PCDHGA6: variants seen among roughly 807,000 people sequenced by gnomAD.
PCDHGA6 encodes the protein protocadherin gamma subfamily A, 6.
A neutral mutation model predicts 60.6 loss-of-function variants in PCDHGA6; 41 were observed. That is an observed-to-expected ratio of 0.68 (90% confidence interval 0.53 to 0.88). PCDHGA6 has a LOEUF of 0.88. PCDHGA6 is among the 40% of genes least tolerant of loss of function. The pLI, the probability that PCDHGA6 is intolerant of heterozygous loss-of-function variation, is 0.00. For synonymous variants in PCDHGA6, 594 were observed against 524.4 expected (o/e 1.13, Z -1.81); for missense variants, 1,312 against 1,203.0 (o/e 1.09, Z -1.34).
intron 1 of PCDHGA6, chr5:141,400,071 GC>G: frequency 6.2e-7 from 1 of 1,613,942 alleles, no homozygotes; most frequent in Non-Finnish European, 8.5e-7. Flanking sequence ...GTGGACAGCC[GC>G]CACTCTCCGC....
chr5:141,384,216 C>T (rs1342379342), intron 1 of PCDHGA6: 1 of 1,613,896 alleles, frequency 6.2e-7, no homozygotes, highest in Non-Finnish European at 8.5e-7. Context: ...CTCACATATT[C>T]ATGCAGGTGG....
rs781441820 is a variant in PCDHGA6, at chr5:141,374,701, C to G, written c.618C>G (p.Ala206=). The change falls in exon 1 of 4, where the codon GCC becomes GCG. Residue 206 remains alanine (A), a synonymous_variant. Coordinates refer to ENST00000517434, the MANE Select transcript of PCDHGA6 (RefSeq NM_018919.3). The part of the protein sequence containing the change: ...LEGTLDREGE[A]VYRLVLTAMD... ...GCACACTGGACCGGGAAGGAGAAGC[C>G]GTTTACCGCCTGGTCCTTACTGCCA... 6.2e-7 allele frequency: 1 copy of G among 1,608,844 alleles called. No individual in the cohort carries two copies. Among genetic ancestry groups the G allele is most frequent in the Non-Finnish European group, 8.5e-7 (1 of 1,177,478 alleles).
At position 141,431,435 on chromosome 5, in the gene PCDHGA6, G is replaced by A. The variant is rs376827063; in HGVS notation, c.2424+54928G>A. ...GGGCGACCCGGTGCGCACAGGCACC[G>A]CGCGCATCCGCGTGATGGTTCTGGA... On this transcript the variant is annotated intron_variant, in intron 1 of 3. Coordinates refer to ENST00000517434, the MANE Select transcript of PCDHGA6 (RefSeq NM_018919.3). The surrounding 1 kb of genome is among the most constrained non-coding windows in gnomAD (Gnocchi z 4.8). 2.5e-6 allele frequency: 4 copies of A among 1,613,550 alleles called. No homozygotes were observed. Among genetic ancestry groups the A allele is most frequent in the Non-Finnish European group, 3.4e-6 (4 of 1,180,034 alleles).
At chr5:141,408,763 T>C in intron 1 of PCDHGA6, 1 of 1,611,150 alleles carries the variant, frequency 6.2e-7, no homozygotes. Context: ...TTAATTCCGA[T>C]GGTGGCAAAT....
Position 141,485,434 on chromosome 5 carries a change from G to T in PCDHGA6, c.2425-9373G>T. The stretch of plus-strand genomic sequence containing the variant: ...TGGACAGCGGAGCCCTGCTCATCAA[G>T]AACCCAATCGACCGAGAGGCACTGT... On this transcript the variant is annotated intron_variant, in intron 1 of 3. Transcript: ENST00000517434. This position sits in a 1 kb window ranked among gnomAD's most constrained non-coding sequence, Gnocchi z 5.7. The T allele has an allele frequency of 6.2e-7, 1 of 1,614,166 alleles. No homozygotes were observed. The highest frequency in any genetic ancestry group is 1.6e-4 in the Middle Eastern group (1 of 6,062).
Position 141,375,643 on chromosome 5 carries a change from C to A in PCDHGA6, c.1560C>A (p.Phe520Leu), listed in dbSNP as rs1443985601. The change falls in exon 1 of 4, where the codon TTC becomes TTA. Residue 520 changes from phenylalanine to leucine, a missense_variant. Phe to Leu is a conservative substitution (Grantham distance 22). Coordinates refer to ENST00000517434, the MANE Select transcript of PCDHGA6 (RefSeq NM_018919.3). ...DTGILYALRS[F>L]DYEQLRDLQL... ...GGATTCTGTACGCCCTGCGCTCCTT[C>A]GACTATGAGCAGTTGAGAGACCTAC... 6.2e-7 allele frequency: 1 copy of A among 1,614,210 alleles called. No homozygotes were observed. The highest frequency in any genetic ancestry group is 8.5e-7 in the Non-Finnish European group (1 of 1,180,032).
intron 1 of PCDHGA6, among the ~76,000 whole-genome samples, chr5:141,386,507 C>G (rs972515111): frequency 2.0e-5 from 1 of 50,524 alleles, no homozygotes. Context: ...AAGACTCTGT[C>G]TCTTCAAAAA....
At chr5:141,404,910 CT>C (rs1185141572) in intron 1 of PCDHGA6, 10 of 1,613,936 alleles carry the variant, frequency 6.2e-6, no homozygotes, top group Non-Finnish European at 8.5e-6. Flanking sequence ...GGCCAGCCCC[CT>C]CTCTCGGCCA....
chr5:141,407,497 G>GTTTTTTTTTTTTTTTTT (rs1554102286), intron 1 of PCDHGA6, among the ~76,000 whole-genome samples: 2 of 151,970 alleles, frequency 1.3e-5, no homozygotes, highest in African/African-American at 4.8e-5. Context: ...CTTTATTTCT[G>GTTTTTTTTTTTTTTTTT]TTTTTCTTAG....
At chr5:141,421,474 G>T (rs1320526226) in intron 1 of PCDHGA6, 3 of 1,614,014 alleles carry the variant, frequency 1.9e-6, no homozygotes, top group African/African-American at 2.7e-5. Flanking sequence ...TCCGCGAAGC[G>T]GCAGCTTGAT....
intron 1 of PCDHGA6, chr5:141,409,184 T>G: frequency 6.2e-7 from 1 of 1,614,044 alleles, no homozygotes; most frequent in East Asian, 2.2e-5. Context: ...AGGTGGTCTC[T>G]CTACCCAGTG....
In PCDHGA6 at chr5:141,383,648, C is replaced by T. The variant is rs781494472; in HGVS notation, c.2424+7141C>T. 2.5e-6 allele frequency: 4 copies of T among 1,614,034 alleles called. No individual in the cohort carries two copies. The Admixed American group carries it at 6.7e-5, about 27-fold the overall frequency. On this transcript the variant is annotated intron_variant, in intron 1 of 3. Transcript: ENST00000517434. Reference sequence around the variant, plus strand: ...TTCTCTCTGCCTCAGTACCAAGTAACTGTCCCCGAGAATGTGCCAGTGGGT... The same window carrying T: ...TTCTCTCTGCCTCAGTACCAAGTAATTGTCCCCGAGAATGTGCCAGTGGGT...
intron 1 of PCDHGA6, among the ~76,000 whole-genome samples, chr5:141,481,668 A>G (rs1051166504): frequency 6.6e-6 from 1 of 152,090 alleles, no homozygotes; most frequent in Admixed American, 6.6e-5. Flanking sequence ...TAATACAAAA[A>G]TCAGGCCGGG....
At chr5:141,417,699 C>A (rs2096148616) in intron 1 of PCDHGA6, 1 of 1,164,548 alleles carries the variant, frequency 8.6e-7, no homozygotes, top group Non-Finnish European at 1.2e-6. Context: ...AACCAGCTCC[C>A]ACACAGAGGC....
At chr5:141,419,327 TC>T (rs774592605) in intron 1 of PCDHGA6, 1 of 1,613,856 alleles carries the variant, frequency 6.2e-7, no homozygotes, top group Non-Finnish European at 8.5e-7. Flanking sequence ...TGTCTCCTAC[TC>T]TCTCATTGCC....
chr5:141,437,444 G>A (rs957088733), intron 1 of PCDHGA6, among the ~76,000 whole-genome samples: 26 of 152,212 alleles, frequency 1.7e-4, no homozygotes, highest in Admixed American at 2.0e-4. Context: ...GCATAGGAAT[G>A]TTGAGGAGAC....
chr5:141,394,535 C>T, intron 1 of PCDHGA6: 1 of 1,614,210 alleles, frequency 6.2e-7, no homozygotes, highest in Non-Finnish European at 8.5e-7. Flanking sequence ...GTTCCACTGG[C>T]GTGGAGCTGG....
intron 1 of PCDHGA6, chr5:141,402,918 A>G: frequency 6.4e-7 from 1 of 1,570,054 alleles, no homozygotes; most frequent in Non-Finnish European, 8.6e-7. Context: ...GCGCGCACAG[A>G]GATCCTTTTG....
intron 2 of PCDHGA6, among the ~76,000 whole-genome samples, chr5:141,505,117 G>A (rs575627148): frequency 1.8e-4 from 27 of 152,226 alleles, no homozygotes; most frequent in African/African-American, 3.6e-4. Context: ...AGCCAAGATC[G>A]CGCCACTGCA....
Sources: allele counts gnomAD v4.1 joint callset (sites outside exome capture counted in the v4.1 genomes callset), GRCh38; gene constraint gnomAD v4.1.1; non-coding constraint Gnocchi (gnomAD v3.1); transcripts MANE v1.5; gene names NCBI Gene and HGNC (gene_info 2026-07-23, HGNC 2026-07-21).